PRKD1: variants seen among roughly 807,000 people sequenced by gnomAD.
PRKD1 encodes the protein serine/threonine-protein kinase D1.
In PRKD1, 63 loss-of-function variants were observed where a neutral mutation model predicts 95.9. The observed-to-expected ratio is 0.66, with a 90% CI of 0.54 to 0.81. The LOEUF (loss-of-function observed/expected upper bound fraction) is 0.81, where lower values mean the gene tolerates loss of function less well. Ranked by LOEUF, PRKD1 falls within the 30% of genes least tolerant of loss-of-function variation. The probability of loss-of-function intolerance (pLI) is 0.00; values close to 1 mark genes in which losing one functional copy is unlikely to be tolerated. For synonymous variants in PRKD1, 425 were observed against 423.1 expected (o/e 1.00, Z -0.05); for missense variants, 1,048 against 1,165.3 (o/e 0.90, Z 1.47).
At chr14:29,859,424 C>G (rs549602932) in intron 1 of PRKD1, among the ~76,000 whole-genome samples, 1 of 151,690 alleles carries the variant, frequency 6.6e-6, no homozygotes, top group Non-Finnish European at 1.5e-5. Context: ...CTGGCTAACA[C>G]GGTGAAAACC....
intron 4 of PRKD1, among the ~76,000 whole-genome samples, chr14:29,659,811 CT>C (rs1399963101): frequency 6.6e-6 from 1 of 152,110 alleles, no homozygotes; most frequent in Non-Finnish European, 1.5e-5. Flanking sequence ...TGTCTTCTAA[CT>C]TTTTTGTAAA....
At chr14:29,748,125 T>A (rs889797776) in intron 1 of PRKD1, among the ~76,000 whole-genome samples, 4 of 152,170 alleles carry the variant, frequency 2.6e-5, no homozygotes, top group Admixed American at 6.5e-5. Context: ...CACCATGCAA[T>A]CTCACTGAAG....
At chr14:29,597,230 G>T (rs1450863238) in intron 16 of PRKD1, among the ~76,000 whole-genome samples, 1 of 151,870 alleles carries the variant, frequency 6.6e-6, no homozygotes, top group Non-Finnish European at 1.5e-5. Flanking sequence ...TTATATTAAG[G>T]TATAAGTATT....
At chr14:29,699,103 C>A (rs1167611415) in intron 2 of PRKD1, among the ~76,000 whole-genome samples, 1 of 152,110 alleles carries the variant, frequency 6.6e-6, no homozygotes, top group African/African-American at 2.4e-5. Flanking sequence ...TGGGTACTTA[C>A]CATAGCGGAT....
At chr14:29,676,177 G>GGTTTTTTTTTTTTTTTT (rs1555334424) in intron 2 of PRKD1, among the ~76,000 whole-genome samples, 1 of 104,762 alleles carries the variant, frequency 9.5e-6, no homozygotes, top group African/African-American at 4.2e-5. Context: ...AGTTCATTAC[G>GGTTTTTTTTTTTTTTTT]TTTTTGTTTT....
intron 2 of PRKD1, 39 bp downstream of exon 2, chr14:29,725,497 C>G (rs765444417): frequency 1.3e-6 from 2 of 1,589,732 alleles, no homozygotes; most frequent in Non-Finnish European, 1.7e-6. Context: ...AATACAACTT[C>G]TAATCTACGG....
At chr14:29,608,553 T>C (rs1211628507) in intron 13 of PRKD1, among the ~76,000 whole-genome samples, 1 of 152,218 alleles carries the variant, frequency 6.6e-6, no homozygotes, top group Non-Finnish European at 1.5e-5. Flanking sequence ...ATGCTTACTT[T>C]TCTCCCCTTT....
At chr14:29,641,430 A>G (rs1038892225) in intron 4 of PRKD1, among the ~76,000 whole-genome samples, 6 of 152,180 alleles carry the variant, frequency 3.9e-5, no homozygotes, top group Non-Finnish European at 8.8e-5. Context: ...ATCTTGACAC[A>G]GGGTGCATGC....
At chr14:29,684,867 G>A (rs1370447689) in intron 2 of PRKD1, among the ~76,000 whole-genome samples, 7 of 152,174 alleles carry the variant, frequency 4.6e-5, no homozygotes, top group Non-Finnish European at 8.8e-5. Context: ...TTTTCCAGTG[G>A]ACTAACAGTT....
chr14:29,717,946 G>A (rs1885705951), intron 2 of PRKD1, among the ~76,000 whole-genome samples: 1 of 152,010 alleles, frequency 6.6e-6, no homozygotes, highest in Non-Finnish European at 1.5e-5. Flanking sequence ...CTCCTCCCTG[G>A]AGAATCCATT....
intron 1 of PRKD1, among the ~76,000 whole-genome samples, chr14:29,815,978 G>A (rs1890672266): frequency 6.6e-6 from 1 of 152,132 alleles, no homozygotes; most frequent in African/African-American, 2.4e-5. Flanking sequence ...CCATCACTTT[G>A]GGAGGCCGAG....
chr14:29,650,392 T>C (rs1289095385), intron 4 of PRKD1: 1 of 152,334 alleles, frequency 6.6e-6, no homozygotes, highest in African/African-American at 2.4e-5. Context: ...CACCGGGACA[T>C]GGGAGGGCCT....
intron 1 of PRKD1, among the ~76,000 whole-genome samples, chr14:29,905,099 C>A (rs549079223): frequency 6.6e-6 from 1 of 152,134 alleles, no homozygotes; most frequent in Non-Finnish European, 1.5e-5. Context: ...TTTGGGCAAA[C>A]GGTTGCATGC....
At chr14:29,829,764 T>A (rs1891332228) in intron 1 of PRKD1, among the ~76,000 whole-genome samples, 3 of 152,224 alleles carry the variant, frequency 2.0e-5, no homozygotes, top group Non-Finnish European at 4.4e-5. Flanking sequence ...ATGTTGTCCC[T>A]AGTCACAATG....
At chr14:29,608,612 T>G (rs970988535) in intron 13 of PRKD1, among the ~76,000 whole-genome samples, 1 of 152,182 alleles carries the variant, frequency 6.6e-6, no homozygotes, top group African/African-American at 2.4e-5. Flanking sequence ...ATAACTTACT[T>G]ATGAAGATGT....
chr14:29,921,251 T>G (rs1895094355), intron 1 of PRKD1, among the ~76,000 whole-genome samples: 1 of 152,140 alleles, frequency 6.6e-6, no homozygotes, highest in African/African-American at 2.4e-5. Context: ...GCTGAGAGTT[T>G]GAGATTTGAG....
intron 1 of PRKD1, among the ~76,000 whole-genome samples, chr14:29,924,557 A>T (rs1485687280): frequency 6.6e-6 from 1 of 152,208 alleles, no homozygotes; most frequent in African/African-American, 2.4e-5. Context: ...GAACAAAGTG[A>T]ATGAAAAACT....
intron 1 of PRKD1, among the ~76,000 whole-genome samples, chr14:29,842,301 G>A (rs762155014): frequency 2.0e-5 from 3 of 152,176 alleles, no homozygotes; most frequent in Non-Finnish European, 4.4e-5. Flanking sequence ...CAAGTATTAT[G>A]TACTGCAAAC....
At chr14:29,614,818 T>C (rs1878734286) in intron 13 of PRKD1, among the ~76,000 whole-genome samples, 1 of 151,218 alleles carries the variant, frequency 6.6e-6, no homozygotes, top group Non-Finnish European at 1.5e-5. Context: ...ACCTCCTGTG[T>C]AGGTGGGACT....
Sources: gnomAD v4.1 joint callset for allele counts (sites outside exome capture counted in the v4.1 genomes callset) on GRCh38, gnomAD v4.1.1 for gene constraint, MANE v1.5 for transcripts, NCBI Gene and HGNC (gene_info 2026-07-23, HGNC 2026-07-21) for gene names.